Variants in TRIM21 observed in about 807,000 individuals in gnomAD.
TRIM21 encodes E3 ubiquitin-protein ligase TRIM21.
In TRIM21, 35 loss-of-function variants were observed where a neutral mutation model predicts 36.1. That is an observed-to-expected ratio of 0.97 (90% CI 0.74 to 1.28). The LOEUF (loss-of-function observed/expected upper bound fraction) is 1.28. Ranked by LOEUF, TRIM21 falls within the 50% of genes most tolerant of loss-of-function variation. TRIM21 has a pLI of 0.00. For synonymous variants in TRIM21, 256 were observed against 211.5 expected, an observed-to-expected ratio of 1.21 and a Z score of -1.83; for missense variants, 635 against 570.7, an observed-to-expected ratio of 1.11 and a Z score of -1.15.
intron 4 of TRIM21, 31 bp from the exon 5 acceptor site, chr11:4,387,021 T>C: frequency 6.4e-7 from 1 of 1,563,830 alleles, no homozygotes; most frequent in Non-Finnish European, 8.7e-7. Context: ...AAGTAAGTTC[T>C]GGATTGCTGG....
chr11:4,390,458 G>C lies in TRIM21; in HGVS notation c.-49C>G, dbSNP rs550206725. ...AGTGTGGAGACCTTTAGGGGGTTTG[G>C]CTGGGAGAGAAGAAGAAAGGGAAAA... is the stretch of plus-strand genomic sequence containing the variant. On this transcript the variant is annotated splice_region_variant and 5_prime_UTR_variant, in exon 2 of 7. Coordinates refer to ENST00000254436, the MANE Select transcript of TRIM21 (RefSeq NM_003141.4). 1 of 1,528,394 alleles carries C rather than the reference G, an allele frequency of 6.5e-7. No homozygotes were observed. The highest frequency in any genetic ancestry group is 1.4e-5 in the African/African-American group (1 of 72,058). The allele number at this position is 1,528,394 out of a possible 1,614,324, so 94.7% of individuals were successfully genotyped here.
chr11:4,386,091 A>G (rs1183049277), intron 6 of TRIM21, 66 bp downstream of exon 6: 2 of 1,506,418 alleles, frequency 1.3e-6, no homozygotes, highest in Admixed American at 1.7e-5. Flanking sequence ...GTTGCCATCC[A>G]GGCTCCCTGA....
In TRIM21 at chr11:4,390,056, C is replaced by T. The variant is rs2094961137; in HGVS notation, c.354G>A (p.Arg118=). ...GGACCATGGCGTGGTCACGGTGTTT[C>T]CGAGACTGGGCACATACCCAGCAAA... is the stretch of plus-strand genomic sequence containing the variant. The part of the protein sequence containing the change: ...KALCWVCAQS[R]KHRDHAMVPL... Residue 118 remains arginine (R), a synonymous_variant, in exon 2 of 7, where the codon CGG becomes CGA. Transcript: ENST00000254436. The T allele has an allele frequency of 6.2e-7, 1 of 1,613,886 alleles. No individual in the cohort carries two copies. The highest frequency in any genetic ancestry group is 1.3e-5 in the African/African-American group (1 of 74,918).
At position 4,388,361 on chromosome 11, in the gene TRIM21, A is replaced by C; in HGVS notation, c.674T>G (p.Leu225Arg). The change falls in exon 4 of 7, where the codon CTA (leucine) becomes CGA (arginine). Residue 225 changes from leucine to arginine, a missense_variant. Transcript: ENST00000254436. ...ATCTAGCTCTGAGATGAGCTCCTGT[A>C]GGGCCTGGCTCTGCTGGGCCAGCTT... The part of the protein sequence containing the change: ...EAKLAQQSQA[L>R]QELISELDRR... 6.2e-7 allele frequency: 1 copy of C among 1,613,966 alleles called. No individual in the cohort carries two copies. Among genetic ancestry groups the C allele is most frequent in the South Asian group, 1.1e-5 (1 of 91,078 alleles).
At position 4,385,190 on chromosome 11, in the gene TRIM21, G is replaced by C. The variant is rs913478237; in HGVS notation, c.*95C>G. On this transcript the variant is annotated 3_prime_UTR_variant, in exon 7 of 7. Transcript: ENST00000254436. ...GCTGGGATCCGGATGCCTCTGCAGA[G>C]ACAAAGGTGGTTCAGAGTTCATGGG... The C allele has an allele frequency of 2.4e-6, 3 of 1,260,832 alleles. No homozygotes were observed. The highest frequency in any genetic ancestry group is 3.3e-6 in the Non-Finnish European group (3 of 919,100). The allele number at this position is 1,260,832 out of a possible 1,614,324, so 78.1% of individuals were successfully genotyped here. A position where few individuals can be genotyped will look rare whatever the true frequency, so the allele number is the denominator to read the frequency against.
At chr11:4,389,597 AC>A (rs1318758076) in intron 3 of TRIM21, 56 bp downstream of exon 3, 2 of 1,447,862 alleles carry the variant, frequency 1.4e-6, no homozygotes, top group Non-Finnish European at 1.9e-6. Flanking sequence ...TGAGTTGAGG[AC>A]TCTGGACCCT....
At position 4,385,567 on chromosome 11, in the gene TRIM21, C is replaced by G; in HGVS notation, c.1146G>C (p.Leu382Phe). 1 of 1,612,582 alleles carries G rather than the reference C, an allele frequency of 6.2e-7. No homozygotes were observed. Among genetic ancestry groups the G allele is most frequent in the Non-Finnish European group, 8.5e-7 (1 of 1,179,344 alleles). The change falls in exon 7 of 7, where the codon TTG becomes TTC. Residue 382 changes from leucine (L) to phenylalanine (F), a missense_variant. Coordinates refer to ENST00000254436, the MANE Select transcript of TRIM21 (RefSeq NM_003141.4). The part of the protein sequence containing the change: ...SSKSGFWTIW[L>F]WNKQKYEAGT... ...CAGCCTCATATTTTTGTTTGTTCCA[C>G]AACCAAATTGTCCAGAAGCCACTCT...
At chr11:4,386,579 C>T (rs942058440) in intron 5 of TRIM21, among the ~76,000 whole-genome samples, 9 of 152,316 alleles carry the variant, frequency 5.9e-5, no homozygotes, top group Admixed American at 5.9e-4. Context: ...TGCAAGGAAC[C>T]TCAAGGAGTC....
chr11:4,388,627 C>G, intron 3 of TRIM21, 97 bp from the exon 4 acceptor site: 2 of 1,145,308 alleles, frequency 1.7e-6, no homozygotes, highest in Non-Finnish European at 2.5e-6. Context: ...CCAAGAGACT[C>G]CACTCTGTGC....
chr11:4,390,997 T>C (rs1281518109), intron 1 of TRIM21, among the ~76,000 whole-genome samples: 1 of 120,770 alleles, frequency 8.3e-6, no homozygotes, highest in African/African-American at 2.9e-5. Flanking sequence ...GGGAAAACTC[T>C]CTAGGACATT....
rs1564809096 is a variant in TRIM21, at chr11:4,385,152, C to T, written c.*133G>A. ...TGTTGATGGTGAAGTGACTTCCCTG[C>T]TAAAGCTCGCTTGCTGGGATCCGGA... On this transcript the variant is annotated 3_prime_UTR_variant, in exon 7 of 7. Coordinates refer to ENST00000254436, the MANE Select transcript of TRIM21 (RefSeq NM_003141.4). 2.3e-6 allele frequency: 2 copies of T among 853,152 alleles called. No homozygotes were observed. The highest frequency in any genetic ancestry group is 3.5e-6 in the Non-Finnish European group (2 of 566,470). The allele number at this position is 853,152 out of a possible 1,614,324, so 52.8% of individuals were successfully genotyped here.
chr11:4,389,908 C>T, intron 2 of TRIM21, 94 bp downstream of exon 2: 1 of 1,537,152 alleles, frequency 6.5e-7, no homozygotes, highest in South Asian at 1.2e-5. Context: ...AGAGGTAAAC[C>T]CCTCCTTTCT....
rs1420382795 is a variant in TRIM21, at chr11:4,388,648, A to AAC, written c.505-120_505-119dup. ...GACTCCACTCTGTGCTGTCTGGGAA[A>AAC]ACACACACACATGCACACGCACACG... On this transcript the variant is annotated intron_variant, in intron 3 of 6. Coordinates refer to ENST00000254436, the MANE Select transcript of TRIM21 (RefSeq NM_003141.4). The AAC allele has an allele frequency of 1.1e-5, 11 of 963,890 alleles. No homozygotes were observed. In the South Asian group the frequency reaches 1.3e-4, roughly 12 times the overall value. 59.7% of individuals were successfully genotyped at this position (963,890 alleles called of 1,614,324 possible). A position where few individuals can be genotyped will look rare whatever the true frequency, so the allele number is the denominator to read the frequency against.
rs114238164 is a variant in TRIM21, at chr11:4,387,968, C to G, written c.735+332G>C. Among the ~76,000 whole-genome samples the G allele has an allele frequency of 5.6e-3, 853 of 152,314 alleles. 12 individuals are homozygous for G. The highest frequency in any genetic ancestry group is 0.02 in the African/African-American group (815 of 41,558). ...TGGCTCATGACCACTCTGAGTGACACTGAACAGGTGTGGGAAAAGAGCTGT... is the reference window on the plus strand; with the variant it reads ...TGGCTCATGACCACTCTGAGTGACAGTGAACAGGTGTGGGAAAAGAGCTGT... On this transcript the variant is annotated intron_variant, in intron 4 of 6. Coordinates refer to ENST00000254436, the MANE Select transcript of TRIM21 (RefSeq NM_003141.4).
chr11:4,389,919 C>G (rs1475586337), intron 2 of TRIM21, 83 bp downstream of exon 2: 4 of 1,559,006 alleles, frequency 2.6e-6, no homozygotes, highest in Non-Finnish European at 3.5e-6. Context: ...CCTCCTTTCT[C>G]TAACCCCTCC....
chr11:4,385,231 T>G lies in TRIM21; in HGVS notation c.*54A>C, dbSNP rs1307659243. ...AGTTCATGGGGAAAAGAGGCAGGGT[T>G]TGTGGCTGAGAAGCGGTGCCAATGG... On this transcript the variant is annotated 3_prime_UTR_variant, in exon 7 of 7. Transcript: ENST00000254436. 9.2e-6 allele frequency: 14 copies of G among 1,519,104 alleles called. No individual in the cohort carries two copies. Among genetic ancestry groups the G allele is most frequent in the African/African-American group, 1.4e-5 (1 of 72,680 alleles). The allele number at this position is 1,519,104 out of a possible 1,614,324, so 94.1% of individuals were successfully genotyped here.
Position 4,386,990 on chromosome 11 carries a change from C to T in TRIM21, c.736G>A (p.Glu246Lys). Residue 246 changes from glutamate (E) to lysine (K), a missense_variant and splice_region_variant, in exon 5 of 7, where the codon GAG becomes AAG. Transcript: ENST00000254436. ...TACCTTTCCAGGACAATTATCACCT[C>T]CTGAGGAGAAAAGAGACAGAAAGTA... The part of the protein sequence containing the change: ...CHSSALELLQ[E>K]VIIVLERSES... 1.3e-6 allele frequency: 2 copies of T among 1,579,636 alleles called. No individual in the cohort carries two copies. The highest frequency in any genetic ancestry group is 1.3e-5 in the African/African-American group (1 of 74,390).
chr11:4,388,554 A>G (rs2094959183), intron 3 of TRIM21, 24 bp from the exon 4 acceptor site: 1 of 1,598,092 alleles, frequency 6.3e-7, no homozygotes, highest in Non-Finnish European at 8.5e-7. Flanking sequence ...GGAAAGGGAG[A>G]GGTGGTTTTT....
rs993039384 is a variant in TRIM21, at chr11:4,385,175, G to A, written c.*110C>T. On this transcript the variant is annotated 3_prime_UTR_variant, in exon 7 of 7. Transcript: ENST00000254436. ...TGCTAAAGCTCGCTTGCTGGGATCC[G>A]GATGCCTCTGCAGAGACAAAGGTGG... is the stretch of plus-strand genomic sequence containing the variant. 3.4e-5 allele frequency: 36 copies of A among 1,059,154 alleles called. No individual in the cohort carries two copies. Among genetic ancestry groups the A allele is most frequent in the Non-Finnish European group, 4.4e-5 (33 of 746,422 alleles). 65.6% of individuals were successfully genotyped at this position (1,059,154 alleles called of 1,614,324 possible).
Sources: allele counts gnomAD v4.1 joint callset (sites outside exome capture counted in the v4.1 genomes callset), GRCh38; gene constraint gnomAD v4.1.1; transcripts MANE v1.5; gene names NCBI Gene and HGNC (gene_info 2026-07-23, HGNC 2026-07-21).